The following ERI3 variants were observed in gnomAD, a reference collection of about 807,000 sequenced individuals.
ERI3 encodes the protein ERI1 exoribonuclease family member 3.
ERI3 carries 18 observed loss-of-function variants against 44.4 expected under a neutral mutation model. The observed-to-expected ratio is 0.41, with a 90% CI of 0.28 to 0.60. The LOEUF is 0.60. ERI3 is among the 20% of genes least tolerant of loss of function. The pLI is 0.36. For missense variants in ERI3, 294 were observed against 435.5 expected, an observed-to-expected ratio of 0.68 and a Z score of 2.89; for synonymous variants, 183 against 164.8, an observed-to-expected ratio of 1.11 and a Z score of -0.84.
intron 5 of ERI3, among the ~76,000 whole-genome samples, chr1:44,309,021 C>G (rs1243072890): frequency 6.6e-6 from 1 of 152,176 alleles, no homozygotes; most frequent in African/African-American, 2.4e-5. Context: ...TTCTCCTGTT[C>G]ATGGTTGAGG....
At chr1:44,232,598 A>G (rs1330819974) in intron 8 of ERI3, among the ~76,000 whole-genome samples, 1 of 152,168 alleles carries the variant, frequency 6.6e-6, no homozygotes, top group African/African-American at 2.4e-5. Flanking sequence ...AGACTATTTC[A>G]TAGTCCAAAA....
intron 6 of ERI3, among the ~76,000 whole-genome samples, chr1:44,294,094 A>T (rs1040144131): frequency 6.6e-6 from 1 of 152,202 alleles, no homozygotes; most frequent in Admixed American, 6.5e-5. Context: ...GCAGGGGGCA[A>T]ATGACATTTA....
chr1:44,221,345 TG>T lies in ERI3; in HGVS notation c.*212del. 7.2e-6 allele frequency: 4 copies of T among 558,464 alleles called. No individual in the cohort carries two copies. The highest frequency in any genetic ancestry group is 1.3e-5 in the Non-Finnish European group (4 of 312,830). The allele number at this position is 558,464 out of a possible 1,614,324, so 34.6% of individuals were successfully genotyped here. On this transcript the variant is annotated 3_prime_UTR_variant, in exon 9 of 9. Transcript: ENST00000372257. The surrounding 1 kb of genome is among the most constrained non-coding windows in gnomAD (Gnocchi z 5.9). ...CTGGGCTGAGATTGAGGGGTGGGGA[TG>T]GGGGGCACAAAGTGTCTGCTCCAGA...
intron 2 of ERI3, among the ~76,000 whole-genome samples, chr1:44,341,712 C>A (rs183041003): frequency 6.6e-6 from 1 of 152,042 alleles, no homozygotes; most frequent in African/African-American, 2.4e-5. Context: ...CATAGTGAGA[C>A]CCAATCTCTA....
chr1:44,245,571 T>G (rs976449674), intron 8 of ERI3, among the ~76,000 whole-genome samples: 1 of 152,238 alleles, frequency 6.6e-6, no homozygotes, highest in Admixed American at 6.5e-5. Context: ...CCAGAACTAC[T>G]TCTGGCTCCA....
At chr1:44,266,275 A>G (rs1644989282) in intron 7 of ERI3, among the ~76,000 whole-genome samples, 9 of 152,244 alleles carry the variant, frequency 5.9e-5, no homozygotes, top group Admixed American at 5.9e-4. Flanking sequence ...GCAGGAGTTC[A>G]CTAGGCAAGA....
chr1:44,271,421 T>C (rs1229004734), intron 7 of ERI3, among the ~76,000 whole-genome samples: 1 of 152,222 alleles, frequency 6.6e-6, no homozygotes, highest in Non-Finnish European at 1.5e-5. Context: ...AAAACCTTTC[T>C]TGATTTTCTC....
At chr1:44,319,586 C>A (rs1163854854) in intron 4 of ERI3, 42 bp downstream of exon 4, 1 of 1,431,540 alleles carries the variant, frequency 7.0e-7, no homozygotes, top group Non-Finnish European at 9.8e-7. Flanking sequence ...TTCCAAAATT[C>A]CCCTCCCAGC....
intron 6 of ERI3, among the ~76,000 whole-genome samples, chr1:44,300,215 G>C (rs1490088649): frequency 6.6e-6 from 1 of 152,204 alleles, no homozygotes; most frequent in African/African-American, 2.4e-5. Context: ...CTTGAAGCCT[G>C]ATCAGTCATT....
intron 8 of ERI3, among the ~76,000 whole-genome samples, chr1:44,231,377 C>T (rs1254742642): frequency 1.3e-5 from 2 of 151,940 alleles, no homozygotes; most frequent in South Asian, 2.1e-4. Context: ...TTTCCTTGCC[C>T]ACTTCTTTTT....
chr1:44,346,012 G>A (rs1646776030), intron 2 of ERI3, among the ~76,000 whole-genome samples: 1 of 152,232 alleles, frequency 6.6e-6, no homozygotes, highest in Non-Finnish European at 1.5e-5. Context: ...ACTCTGTCTA[G>A]TTTGTTGAAG....
chr1:44,230,958 G>C (rs1210653330), intron 8 of ERI3, among the ~76,000 whole-genome samples: 2 of 152,150 alleles, frequency 1.3e-5, no homozygotes, highest in Non-Finnish European at 2.9e-5. Context: ...AAAGTGCTTG[G>C]AGACCAGGAG....
In ERI3 at chr1:44,254,666, G is replaced by A. The variant is rs140835287; in HGVS notation, c.832-6628C>T. On this transcript the variant is annotated intron_variant, in intron 7 of 8. Coordinates refer to ENST00000372257, the MANE Select transcript of ERI3 (RefSeq NM_024066.3). ...ACCACAGCCTTAGCAACCCTCAATG[G>A]TACTCACCAACCCTAATGCCTTCCT... Among the ~76,000 whole-genome samples, 6 of 152,104 alleles carry A rather than the reference G, an allele frequency of 3.9e-5. No individual in the cohort carries two copies. The East Asian group carries it at 1.2e-3, about 29-fold the overall frequency.
At chr1:44,242,719 A>G (rs1027136802) in intron 8 of ERI3, among the ~76,000 whole-genome samples, 2 of 152,164 alleles carry the variant, frequency 1.3e-5, no homozygotes, top group African/African-American at 4.8e-5. Context: ...CTATGGTAGC[A>G]GGAATAGGGT....
chr1:44,251,093 A>T lies in ERI3; in HGVS notation c.832-3055T>A, dbSNP rs554868610. On this transcript the variant is annotated intron_variant, in intron 7 of 8. Transcript: ENST00000372257. ...GGTACTGCTTAGGCACAGCCAACAG[A>T]CGCAGATAGCTGCCCACAAAACATA... is the stretch of plus-strand genomic sequence containing the variant. Among the ~76,000 whole-genome samples, 7 of 152,320 alleles carry T rather than the reference A, an allele frequency of 4.6e-5. No homozygotes were observed. In the East Asian group the frequency reaches 1.4e-3, roughly 29 times the overall value.
In ERI3 at chr1:44,284,900, C is replaced by T; in HGVS notation, c.766G>A (p.Gly256Ser). The T allele has an allele frequency of 1.2e-6, 2 of 1,613,912 alleles. No individual in the cohort carries two copies. The highest frequency in any genetic ancestry group is 4.5e-5 in the East Asian group (2 of 44,866). ...GDWDLKVMLP[G>S]QCQYLGLPVA... Reference sequence around the variant, plus strand: ...GGCAAGCCCAAGTACTGGCACTGGCCTGGGAGCCTACAAAAAAAAGGGAAG... The same window carrying T: ...GGCAAGCCCAAGTACTGGCACTGGCTTGGGAGCCTACAAAAAAAAGGGAAG... Residue 256 changes from glycine to serine, a missense_variant, in exon 7 of 9, where the codon GGC becomes AGC. By Grantham distance (56) the Gly-to-Ser change is moderately conservative. This residue lies in a region of ERI3 where 187 missense variants were observed against 338.6 expected (regional missense o/e 0.55). Coordinates refer to ENST00000372257, the MANE Select transcript of ERI3 (RefSeq NM_024066.3).
chr1:44,261,454 G>A (rs531266415), intron 7 of ERI3, among the ~76,000 whole-genome samples: 1 of 152,256 alleles, frequency 6.6e-6, no homozygotes, highest in African/African-American at 2.4e-5. Context: ...CCTTCACAGT[G>A]TGATAAATAG....
intron 3 of ERI3, among the ~76,000 whole-genome samples, chr1:44,323,852 A>T (rs1353758712): frequency 6.6e-6 from 1 of 152,224 alleles, no homozygotes; most frequent in Non-Finnish European, 1.5e-5. Context: ...TGAGAATGAG[A>T]CTTAAGAGTA....
Position 44,221,593 on chromosome 1 carries a change from C to G in ERI3, c.979G>C (p.Gly327Arg). The change falls in exon 9 of 9, where the codon GGC becomes CGC. Residue 327 changes from glycine to arginine, a missense_variant. Physicochemically the swap from Gly to Arg is moderately radical, Grantham distance 125 (BLOSUM62 -2). Around this residue, in one of 2 missense-constraint regions of ERI3, gnomAD observed 187 missense variants for 338.6 expected, o/e 0.55. Coordinates refer to ENST00000372257, the MANE Select transcript of ERI3 (RefSeq NM_024066.3). The surrounding 1 kb of genome is among the most constrained non-coding windows in gnomAD (Gnocchi z 5.9). Reference sequence around the variant, plus strand: ...TTCGATGTCTGCTTGAAGATGAAGCCTCGATAGGCGAGTGTCTTCATGATG... The same window carrying G: ...TTCGATGTCTGCTTGAAGATGAAGCGTCGATAGGCGAGTGTCTTCATGATG... Reference protein sequence around the residue: ...ANIMKTLAYRGFIFKQTSKPF With the variant: ...ANIMKTLAYRRFIFKQTSKPF 4 of 1,614,188 alleles carry G rather than the reference C, an allele frequency of 2.5e-6. No homozygotes were observed. Among genetic ancestry groups the G allele is most frequent in the Non-Finnish European group, 3.4e-6 (4 of 1,180,036 alleles).
Sources: allele counts gnomAD v4.1 joint callset (sites outside exome capture counted in the v4.1 genomes callset), GRCh38; gene constraint gnomAD v4.1.1; regional missense constraint gnomAD v4.1.1; non-coding constraint Gnocchi (gnomAD v3.1); transcripts MANE v1.5; gene names NCBI Gene and HGNC (gene_info 2026-07-23, HGNC 2026-07-21).